PKD1L1: variants seen among roughly 807,000 people sequenced by gnomAD.
The protein encoded by PKD1L1 is polycystin-1-like protein 1.
A neutral mutation model predicts 323.4 loss-of-function variants in PKD1L1; 236 were observed. The ratio of observed to expected loss-of-function variants is 0.73; its 90% CI spans 0.66 to 0.81. PKD1L1 has a LOEUF of 0.81. PKD1L1 is among the 40% of genes least tolerant of loss of function. The pLI, the probability that PKD1L1 is intolerant of heterozygous loss-of-function variation, is 0.00. For synonymous variants in PKD1L1, 1,344 were observed against 1,335.0 expected (o/e 1.01, Z -0.15); for missense variants, 3,320 against 3,508.0 (o/e 0.95, Z 1.35).
At chr7:47,869,644 C>G (rs887139881) in intron 24 of PKD1L1, among the ~76,000 whole-genome samples, 3 of 152,064 alleles carry the variant, frequency 2.0e-5, no homozygotes, top group African/African-American at 7.2e-5. Context: ...ATACAGAAAA[C>G]TCAAAATAAT....
intron 52 of PKD1L1, among the ~76,000 whole-genome samples, chr7:47,807,315 G>T (rs1471389546): frequency 6.6e-6 from 1 of 152,156 alleles, no homozygotes; most frequent in Non-Finnish European, 1.5e-5. Flanking sequence ...GGAAGCAGAA[G>T]TGTAGAGGAA....
At chr7:47,864,633 T>TTTCTTTCTTTCTTTCCTTCC (rs1554404342) in intron 26 of PKD1L1, among the ~76,000 whole-genome samples, 1 of 114,776 alleles carries the variant, frequency 8.7e-6, no homozygotes, top group African/African-American at 3.5e-5. Context: ...TCTTTCTTTC[T>TTTCTTTCTTTCTTTCCTTCC]TTCCTTCCTT....
rs769456543 is a variant in PKD1L1, at chr7:47,831,221, A to G, written c.6469T>C (p.Tyr2157His). 14 of 1,613,354 alleles carry G rather than the reference A, an allele frequency of 8.7e-6. No individual in the cohort carries two copies. The highest frequency in any genetic ancestry group is 1.7e-5 in the Admixed American group (1 of 59,834). The change falls in exon 42 of 57, where the codon TAC becomes CAC. Residue 2157 changes from tyrosine (Y) to histidine (H), a missense_variant. Physicochemically the swap from Tyr to His is moderately conservative, Grantham distance 83. Transcript: ENST00000289672. ...TTGAAAAACTCTACAGCTCACCTGT[A>G]GGCTAGAAATCCTGTCCCCAAACTG... ...ACSLGTGFLAYRFGQEQCVQW... is the reference protein window; with the variant it reads ...ACSLGTGFLAHRFGQEQCVQW...
chr7:47,906,533 G>C (rs997693673), intron 9 of PKD1L1, among the ~76,000 whole-genome samples: 2 of 151,758 alleles, frequency 1.3e-5, no homozygotes, highest in Non-Finnish European at 2.9e-5. Flanking sequence ...TACCACACAT[G>C]CATGTACATA....
At chr7:47,922,589 T>C (rs1222344267) in intron 7 of PKD1L1, among the ~76,000 whole-genome samples, 2 of 151,610 alleles carry the variant, frequency 1.3e-5, no homozygotes, top group Non-Finnish European at 2.9e-5. Flanking sequence ...GAGTAGCGTC[T>C]CTACCCCGCC....
chr7:47,820,498 G>A (rs1256626283), intron 46 of PKD1L1, among the ~76,000 whole-genome samples: 1 of 152,200 alleles, frequency 6.6e-6, no homozygotes, highest in Non-Finnish European at 1.5e-5. Context: ...GCCGAGGCGG[G>A]TGGATCACTT....
At chr7:47,851,287 C>T (rs1785777817) in intron 31 of PKD1L1, among the ~76,000 whole-genome samples, 1 of 152,166 alleles carries the variant, frequency 6.6e-6, no homozygotes, top group Non-Finnish European at 1.5e-5. Flanking sequence ...TAAAGAAGCA[C>T]TTGAGGATTG....
At chr7:47,787,679 G>A (rs1256460540) in intron 56 of PKD1L1, among the ~76,000 whole-genome samples, 1 of 152,140 alleles carries the variant, frequency 6.6e-6, no homozygotes. Context: ...AAAGAGATGA[G>A]CCATACGCCT....
chr7:47,868,305 G>A (rs1052435929), intron 24 of PKD1L1, among the ~76,000 whole-genome samples: 2 of 152,082 alleles, frequency 1.3e-5, no homozygotes, highest in African/African-American at 4.8e-5. Flanking sequence ...GGGGGCTGAG[G>A]TTGCAGTGAG....
intron 10 of PKD1L1, 97 bp from the exon 11 acceptor site, chr7:47,905,422 T>C: frequency 7.4e-7 from 1 of 1,342,490 alleles, no homozygotes; most frequent in South Asian, 1.4e-5. Flanking sequence ...GGTCATGGGC[T>C]TGAGTGATGG....
intron 7 of PKD1L1, among the ~76,000 whole-genome samples, chr7:47,922,915 A>C (rs1297307438): frequency 2.6e-5 from 4 of 152,252 alleles, no homozygotes; most frequent in Non-Finnish European, 5.9e-5. Flanking sequence ...TGTGGGGAAA[A>C]GAGAGATCAG....
At chr7:47,829,318 A>G (rs1381454880) in intron 44 of PKD1L1, 107 bp downstream of exon 44, 1 of 1,165,144 alleles carries the variant, frequency 8.6e-7, no homozygotes, top group African/African-American at 1.6e-5. Context: ...ATGGGTCTCC[A>G]AAGATGCAAC....
chr7:47,869,449 T>C lies in PKD1L1; in HGVS notation c.3897-2835A>G, dbSNP rs1001884142. Among the ~76,000 whole-genome samples, 3 of 152,124 alleles carry C rather than the reference T, an allele frequency of 2.0e-5. No homozygotes were observed. The East Asian group carries it at 5.8e-4, about 29-fold the overall frequency. On this transcript the variant is annotated intron_variant, in intron 24 of 56. Coordinates refer to ENST00000289672, the MANE Select transcript of PKD1L1 (RefSeq NM_138295.5). ...ACATGCAAACAGTAACAGCAAGGCA[T>C]GTAGAGTGGTTATGTTTATATCAGA...
At position 47,940,321 on chromosome 7, in the gene PKD1L1, G is replaced by GA. The variant is rs758843750; in HGVS notation, c.161-5dup. The GA allele has an allele frequency of 1.9e-6, 3 of 1,593,510 alleles. No homozygotes were observed. The Admixed American group carries it at 5.4e-5, about 29-fold the overall frequency. ...AGCACATGATTAGCATAGACCTCTA[G>GA]AGAAAAAAAAAAAAGCAAACATTCT... On this transcript the variant is annotated splice_polypyrimidine_tract_variant and splice_region_variant and intron_variant, in intron 2 of 56. Coordinates refer to ENST00000289672, the MANE Select transcript of PKD1L1 (RefSeq NM_138295.5).
chr7:47,928,538 C>T (rs529878766), intron 7 of PKD1L1, among the ~76,000 whole-genome samples: 454 of 152,108 alleles, frequency 3.0e-3, no homozygotes, highest in African/African-American at 0.011. Flanking sequence ...CCACTGCACT[C>T]CAGCCTGGGC....
chr7:47,826,070 CT>C lies in PKD1L1; in HGVS notation c.6854+1279del, dbSNP rs548344335. 1.6e-3 allele frequency among the ~76,000 whole-genome samples: 241 copies of C among 152,270 alleles called. 1 individual carries two copies. The highest frequency in any genetic ancestry group is 5.5e-3 in the African/African-American group (227 of 41,552). ...CCAGACCTCCAGACCTTGCACTCACCTGTGAACTTGACTCTGCAAACTCCTC... is the reference window on the plus strand; with the variant it reads ...CCAGACCTCCAGACCTTGCACTCACCGTGAACTTGACTCTGCAAACTCCTC... On this transcript the variant is annotated intron_variant, in intron 45 of 56. Transcript: ENST00000289672.
chr7:47,830,653 A>T (rs1326626332), intron 42 of PKD1L1, among the ~76,000 whole-genome samples: 1 of 152,154 alleles, frequency 6.6e-6, no homozygotes. Flanking sequence ...ACAGTTGAGG[A>T]GAGGGGAGAG....
At chr7:47,869,760 A>AT (rs1786240522) in intron 24 of PKD1L1, among the ~76,000 whole-genome samples, 2 of 152,216 alleles carry the variant, frequency 1.3e-5, no homozygotes, top group African/African-American at 2.4e-5. Context: ...ACCATTGAAC[A>AT]TTTAGCCAAC....
At chr7:47,849,983 C>T (rs1463103237) in intron 31 of PKD1L1, among the ~76,000 whole-genome samples, 1 of 152,026 alleles carries the variant, frequency 6.6e-6, no homozygotes, top group East Asian at 1.9e-4. Flanking sequence ...GATGAAAAGG[C>T]ATAAGAATGA....
Sources: allele counts gnomAD v4.1 joint callset (sites outside exome capture counted in the v4.1 genomes callset), GRCh38; gene constraint gnomAD v4.1.1; transcripts MANE v1.5; gene names NCBI Gene and HGNC (gene_info 2026-07-23, HGNC 2026-07-21).